PPFIA2: variants seen among roughly 807,000 people sequenced by gnomAD.
PPFIA2 encodes the protein PPFI scaffold protein A2, also known as liprin-alpha-2.
PPFIA2 carries 46 observed loss-of-function variants against 175.5 expected under a neutral mutation model. That is an observed-to-expected ratio of 0.26 (90% CI 0.21 to 0.34). PPFIA2 has a LOEUF of 0.34. PPFIA2 is among the 10% of genes least tolerant of loss of function. The probability of loss-of-function intolerance (pLI) is 1.00; values close to 1 mark genes in which losing one functional copy is unlikely to be tolerated. For synonymous variants in PPFIA2, 568 were observed against 511.4 expected, an observed-to-expected ratio of 1.11 and a Z score of -1.49; for missense variants, 1,179 against 1,506.1, an observed-to-expected ratio of 0.78 and a Z score of 3.60.
In PPFIA2 at chr12:81,282,816, A is replaced by G. The variant is rs2042379223; in HGVS notation, c.3018+194T>C. On this transcript the variant is annotated intron_variant, in intron 26 of 32. Coordinates refer to ENST00000549396, the MANE Select transcript of PPFIA2 (RefSeq NM_003625.5). ...AGAGGTAAGGTATGAAACGTCAATC[A>G]TCTTATTTTAAAAATATGGTAACTT... The G allele has an allele frequency of 7.1e-6, 3 of 423,190 alleles. No individual in the cohort carries two copies. The South Asian group carries it at 2.0e-4, about 28-fold the overall frequency. The allele number at this position is 423,190 out of a possible 1,614,324, so 26.2% of individuals were successfully genotyped here. A position where few individuals can be genotyped will look rare whatever the true frequency, so the allele number is the denominator to read the frequency against.
intron 4 of PPFIA2, among the ~76,000 whole-genome samples, chr12:81,477,470 G>A (rs1202799463): frequency 6.6e-6 from 1 of 151,912 alleles, no homozygotes; most frequent in East Asian, 1.9e-4. Flanking sequence ...AATCTGTGCT[G>A]GTCTTGTGCC....
intron 3 of PPFIA2, among the ~76,000 whole-genome samples, chr12:81,683,257 CT>C (rs2153578421): frequency 6.6e-6 from 1 of 152,122 alleles, no homozygotes; most frequent in East Asian, 1.9e-4. Context: ...AAAAATACTA[CT>C]TGAATTTGAC....
chr12:81,268,555 T>C (rs1036829675), intron 28 of PPFIA2, among the ~76,000 whole-genome samples: 1 of 152,266 alleles, frequency 6.6e-6, no homozygotes, highest in African/African-American at 2.4e-5. Flanking sequence ...TGTGTGTAGT[T>C]ACTGTTTTAA....
intron 4 of PPFIA2, among the ~76,000 whole-genome samples, chr12:81,497,591 G>A (rs1247013959): frequency 7.2e-6 from 1 of 139,448 alleles, no homozygotes; most frequent in Non-Finnish European, 1.5e-5. Flanking sequence ...CCAGGCTGGA[G>A]TGCAATGGTG....
At chr12:81,743,902 T>A (rs948143085) in intron 3 of PPFIA2, among the ~76,000 whole-genome samples, 4 of 152,172 alleles carry the variant, frequency 2.6e-5, no homozygotes, top group Non-Finnish European at 5.9e-5. Context: ...TGACACAGAA[T>A]AGGCCCTAAA....
intron 15 of PPFIA2, among the ~76,000 whole-genome samples, chr12:81,359,647 C>G (rs2061342815): frequency 6.6e-6 from 1 of 151,804 alleles, no homozygotes; most frequent in African/African-American, 2.4e-5. Context: ...ATAAGACAGG[C>G]TTAAACTGTC....
chr12:81,576,626 C>T (rs2073600730), intron 4 of PPFIA2, among the ~76,000 whole-genome samples: 1 of 151,754 alleles, frequency 6.6e-6, no homozygotes, highest in African/African-American at 2.4e-5. Context: ...TCTAATATCA[C>T]AAACCCAAAA....
At chr12:81,627,855 G>A (rs977616203) in intron 4 of PPFIA2, among the ~76,000 whole-genome samples, 5 of 151,786 alleles carry the variant, frequency 3.3e-5, no homozygotes, top group African/African-American at 1.2e-4. Flanking sequence ...ATGCTTCGAG[G>A]GTTTGTTAAC....
intron 4 of PPFIA2, among the ~76,000 whole-genome samples, chr12:81,481,800 C>T (rs769083474): frequency 6.6e-6 from 1 of 152,132 alleles, no homozygotes; most frequent in Non-Finnish European, 1.5e-5. Context: ...AGAAGAATAA[C>T]TAGGTAATAC....
chr12:81,274,572 G>A (rs2040020687), intron 28 of PPFIA2, among the ~76,000 whole-genome samples: 1 of 149,730 alleles, frequency 6.7e-6, no homozygotes, highest in East Asian at 1.9e-4. Context: ...TCCAAGCAAT[G>A]TATGCACTGA....
rs185014608 is a variant in PPFIA2, at chr12:81,743,064, C to G, written c.249+10909G>C. On this transcript the variant is annotated intron_variant, in intron 3 of 32. Coordinates refer to ENST00000549396, the MANE Select transcript of PPFIA2 (RefSeq NM_003625.5). ...GGTGAATTCAGGCTGAATGCCTGAA[C>G]CCAGGAGTTGATTCAAGAGAAAATT... Among the ~76,000 whole-genome samples, 213 of 152,090 alleles carry G rather than the reference C, an allele frequency of 1.4e-3. 1 individual carries two copies. The highest frequency in any genetic ancestry group is 4.9e-3 in the African/African-American group (205 of 41,466).
intron 3 of PPFIA2, among the ~76,000 whole-genome samples, chr12:81,726,053 A>G (rs1251650636): frequency 6.6e-6 from 1 of 151,132 alleles, no homozygotes; most frequent in Non-Finnish European, 1.5e-5. Flanking sequence ...ACTTCACTGA[A>G]GAAATTGAGT....
intron 4 of PPFIA2, among the ~76,000 whole-genome samples, chr12:81,471,767 T>C (rs2056769526): frequency 6.6e-6 from 1 of 152,122 alleles, no homozygotes; most frequent in South Asian, 2.1e-4. Context: ...CCACCAACAG[T>C]GAATATGGGT....
At chr12:81,477,366 T>G (rs2057613211) in intron 4 of PPFIA2, among the ~76,000 whole-genome samples, 1 of 152,100 alleles carries the variant, frequency 6.6e-6, no homozygotes, top group Non-Finnish European at 1.5e-5. Context: ...TGACAGAGAA[T>G]GATTATGAAG....
At chr12:81,603,484 A>G (rs1037102817) in intron 4 of PPFIA2, among the ~76,000 whole-genome samples, 2 of 151,614 alleles carry the variant, frequency 1.3e-5, no homozygotes, top group African/African-American at 4.8e-5. Context: ...TTTACATTTG[A>G]GGAGCTTTTA....
At chr12:81,622,231 G>A (rs1318250794) in intron 4 of PPFIA2, among the ~76,000 whole-genome samples, 3 of 152,186 alleles carry the variant, frequency 2.0e-5, no homozygotes, top group African/African-American at 7.2e-5. Context: ...GACCAATGAA[G>A]TGACAAATTA....
intron 3 of PPFIA2, among the ~76,000 whole-genome samples, chr12:81,685,003 G>C (rs906512632): frequency 2.6e-5 from 4 of 152,018 alleles, no homozygotes; most frequent in African/African-American, 9.7e-5. Flanking sequence ...ATCAATGCTT[G>C]AAAATTTGAC....
intron 4 of PPFIA2, among the ~76,000 whole-genome samples, chr12:81,519,697 C>T (rs1487432740): frequency 6.6e-6 from 1 of 152,198 alleles, no homozygotes; most frequent in African/African-American, 2.4e-5. Flanking sequence ...AAAACCTTCA[C>T]AGCATTTAGC....
intron 16 of PPFIA2, among the ~76,000 whole-genome samples, chr12:81,355,851 G>A (rs143139227): frequency 1.3e-5 from 2 of 152,296 alleles, no homozygotes; most frequent in African/African-American, 4.8e-5. Flanking sequence ...TCCATGCTTT[G>A]ATTGTTTATC....
Sources: gnomAD v4.1 joint callset for allele counts (sites outside exome capture counted in the v4.1 genomes callset) on GRCh38, gnomAD v4.1.1 for gene constraint, MANE v1.5 for transcripts, NCBI Gene and HGNC (gene_info 2026-07-23, HGNC 2026-07-21) for gene names.